SGMS1: variants seen among roughly 807,000 people sequenced by gnomAD.
SGMS1 encodes the protein phosphatidylcholine:ceramide cholinephosphotransferase 1.
SGMS1 carries 13 observed loss-of-function variants against 46.2 expected under a neutral mutation model. The observed-to-expected ratio is 0.28, with a 90% CI of 0.18 to 0.45. The LOEUF (loss-of-function observed/expected upper bound fraction) is 0.45, where lower values mean the gene tolerates loss of function less well. SGMS1 is among the 20% of genes least tolerant of loss of function. SGMS1 has a pLI of 1.00. For missense variants in SGMS1, 324 were observed against 519.9 expected, an observed-to-expected ratio of 0.62 and a Z score of 3.66; for synonymous variants, 203 against 187.8, an observed-to-expected ratio of 1.08 and a Z score of -0.66.
Position 50,460,827 on chromosome 10 carries a change from A to C in SGMS1, c.-454-13T>G, listed in dbSNP as rs151289470. The C allele has an allele frequency of 1.0e-4, 16 of 152,482 alleles. No homozygotes were observed. Among genetic ancestry groups the C allele is most frequent in the Non-Finnish European group, 1.9e-4 (13 of 68,034 alleles). The allele number at this position is 152,482 out of a possible 1,614,324, so 9.4% of individuals were successfully genotyped here. A position where few individuals can be genotyped will look rare whatever the true frequency, so the allele number is the denominator to read the frequency against. ...CTCAATGGTGTGCCTGGGACAGAGA[A>C]GCAGTTTCAGTTTAAGCACTTCAAA... On this transcript the variant is annotated splice_polypyrimidine_tract_variant and intron_variant, in intron 4 of 10. Transcript: ENST00000361781.
At chr10:50,360,644 C>T (rs781144865) in intron 6 of SGMS1, among the ~76,000 whole-genome samples, 1 of 152,314 alleles carries the variant, frequency 6.6e-6, no homozygotes, top group Non-Finnish European at 1.5e-5. Flanking sequence ...TCCAGCAGTA[C>T]TCAAGAATGG....
At chr10:50,446,889 G>A (rs117811658) in intron 5 of SGMS1, among the ~76,000 whole-genome samples, 1,888 of 152,234 alleles carry the variant, frequency 0.012, 19 homozygotes, top group East Asian at 0.057. Context: ...AATGAGTTCT[G>A]GAGGAGATAT....
intron 8 of SGMS1, among the ~76,000 whole-genome samples, chr10:50,318,943 T>G (rs1443021651): frequency 6.6e-6 from 1 of 152,176 alleles, no homozygotes; most frequent in Non-Finnish European, 1.5e-5. Flanking sequence ...AAAAAAACTT[T>G]TAAATTTTGT....
In SGMS1 at chr10:50,441,872, T is replaced by C. The variant is rs1029569686; in HGVS notation, c.-312-8316A>G. On this transcript the variant is annotated intron_variant, in intron 5 of 10. Coordinates refer to ENST00000361781, the MANE Select transcript of SGMS1 (RefSeq NM_147156.4). Reference sequence around the variant, plus strand: ...AAAGTCTGTATTTTTATCCATTGCATGGATACTTCTACCATAAAAAGTATA... The same window carrying C: ...AAAGTCTGTATTTTTATCCATTGCACGGATACTTCTACCATAAAAAGTATA... Among the ~76,000 whole-genome samples, 9 of 152,020 alleles carry C rather than the reference T, an allele frequency of 5.9e-5. No individual in the cohort carries two copies. The South Asian group carries it at 1.0e-3, about 17-fold the overall frequency.
intron 3 of SGMS1, among the ~76,000 whole-genome samples, chr10:50,514,405 T>C (rs573590584): frequency 6.6e-6 from 1 of 152,306 alleles, no homozygotes; most frequent in South Asian, 2.1e-4. Flanking sequence ...CCGGACTCTT[T>C]TGCAGCTAGG....
intron 3 of SGMS1, among the ~76,000 whole-genome samples, chr10:50,481,898 G>A (rs777771592): frequency 2.6e-5 from 4 of 152,214 alleles, no homozygotes; most frequent in Admixed American, 1.3e-4. Context: ...ATCAAGAGCC[G>A]AATAGACCAG....
chr10:50,388,471 T>TAAAAAAAA (rs56992240), intron 6 of SGMS1, among the ~76,000 whole-genome samples: 1 of 85,118 alleles, frequency 1.2e-5, no homozygotes, highest in Non-Finnish European at 2.5e-5. Context: ...CTGTCTCTAC[T>TAAAAAAAA]AAAAAAAAAA....
intron 5 of SGMS1, among the ~76,000 whole-genome samples, chr10:50,451,956 T>C (rs1250960665): frequency 6.6e-6 from 1 of 152,154 alleles, no homozygotes; most frequent in East Asian, 1.9e-4. Context: ...TCAAATGAAA[T>C]AACACTGAGT....
chr10:50,620,463 C>A (rs978516996), intron 1 of SGMS1, among the ~76,000 whole-genome samples: 1 of 152,196 alleles, frequency 6.6e-6, no homozygotes, highest in African/African-American at 2.4e-5. Context: ...GACACAAGAG[C>A]CACTGAATAG....
At chr10:50,539,087 G>A (rs1838029448) in intron 2 of SGMS1, among the ~76,000 whole-genome samples, 1 of 152,214 alleles carries the variant, frequency 6.6e-6, no homozygotes, top group South Asian at 2.1e-4. Flanking sequence ...GGGCATCCAG[G>A]GAGGGCAGAA....
At chr10:50,414,256 A>T (rs1451017883) in intron 6 of SGMS1, among the ~76,000 whole-genome samples, 2 of 152,238 alleles carry the variant, frequency 1.3e-5, no homozygotes, top group Admixed American at 6.5e-5. Flanking sequence ...ATATTAAAAA[A>T]TTAGCCAGGC....
intron 6 of SGMS1, among the ~76,000 whole-genome samples, chr10:50,348,385 T>G (rs1256908999): frequency 6.6e-6 from 1 of 152,184 alleles, no homozygotes; most frequent in Admixed American, 6.5e-5. Flanking sequence ...TGTCTCTGTT[T>G]GTAGATGACA....
At chr10:50,412,299 AG>A (rs1453548757) in intron 6 of SGMS1, among the ~76,000 whole-genome samples, 3 of 152,216 alleles carry the variant, frequency 2.0e-5, no homozygotes, top group African/African-American at 7.2e-5. Flanking sequence ...AAACTGAAAA[AG>A]CGCCTCTTCC....
intron 6 of SGMS1, among the ~76,000 whole-genome samples, chr10:50,388,126 A>G (rs930626040): frequency 3.3e-5 from 5 of 152,204 alleles, no homozygotes; most frequent in Non-Finnish European, 7.3e-5. Flanking sequence ...AGATATGTAC[A>G]TATTTGGTAA....
At chr10:50,408,431 T>TAAAAAAAAAA (rs71029307) in intron 6 of SGMS1, among the ~76,000 whole-genome samples, 36 of 95,160 alleles carry the variant, frequency 3.8e-4, no homozygotes, top group Non-Finnish European at 4.8e-4. Flanking sequence ...CCTCATCTCT[T>TAAAAAAAAAA]AAAAAAAAAA....
intron 3 of SGMS1, among the ~76,000 whole-genome samples, chr10:50,502,245 T>C (rs1385591593): frequency 6.8e-6 from 1 of 147,840 alleles, no homozygotes; most frequent in African/African-American, 2.5e-5. Context: ...TGCAAAAAGA[T>C]GACTCTTGAA....
intron 5 of SGMS1, among the ~76,000 whole-genome samples, chr10:50,438,695 TCAC>T (rs1849505218): frequency 6.6e-6 from 1 of 152,188 alleles, no homozygotes; most frequent in African/African-American, 2.4e-5. Context: ...GTCCCTGATG[TCAC>T]CACATGTCCT....
chr10:50,466,320 A>G (rs1319299314), intron 4 of SGMS1, among the ~76,000 whole-genome samples: 1 of 152,110 alleles, frequency 6.6e-6, no homozygotes, highest in Non-Finnish European at 1.5e-5. Flanking sequence ...AATGAAAGGA[A>G]AGAAGGAAGG....
At position 50,396,368 on chromosome 10, in the gene SGMS1, T is replaced by C. The variant is rs552163232; in HGVS notation, c.-232+37108A>G. Among the ~76,000 whole-genome samples, 16 of 152,322 alleles carry C rather than the reference T, an allele frequency of 1.1e-4. No homozygotes were observed. The South Asian group carries it at 3.1e-3, about 30-fold the overall frequency. On this transcript the variant is annotated intron_variant, in intron 6 of 10. Coordinates refer to ENST00000361781, the MANE Select transcript of SGMS1 (RefSeq NM_147156.4). ...CAACCCACACAGTAAGGTACATTTC[T>C]CTTCCCTAGGATGTTTTGCATTTCA...
Sources: allele counts gnomAD v4.1 joint callset (sites outside exome capture counted in the v4.1 genomes callset), GRCh38; gene constraint gnomAD v4.1.1; transcripts MANE v1.5; gene names NCBI Gene and HGNC (gene_info 2026-07-23, HGNC 2026-07-21).